TYK2: variants seen among roughly 807,000 people sequenced by gnomAD.
The protein encoded by TYK2 is non-receptor tyrosine-protein kinase TYK2.
Under a neutral mutation model 130.9 loss-of-function variants are expected in TYK2, and 65 were observed. That is an observed-to-expected ratio of 0.50 (90% CI 0.41 to 0.61). The LOEUF (loss-of-function observed/expected upper bound fraction) is 0.61, where lower values mean the gene tolerates loss of function less well. Ranked by LOEUF, TYK2 falls within the 20% of genes least tolerant of loss-of-function variation. The pLI, the probability that TYK2 is intolerant of heterozygous loss-of-function variation, is 0.00. For synonymous variants in TYK2, 647 were observed against 658.9 expected (o/e 0.98, Z 0.28); for missense variants, 1,378 against 1,610.7 (o/e 0.86, Z 2.47).
chr19:10,360,391 A>C (rs2041340237), intron 14 of TYK2, among the ~76,000 whole-genome samples: 1 of 151,448 alleles, frequency 6.6e-6, no homozygotes, highest in Non-Finnish European at 1.5e-5. Flanking sequence ...CAGGTGCTCA[A>C]GAGGCTGAGG....
chr19:10,354,635 C>T (rs2040992513), intron 18 of TYK2, 26 bp from the exon 19 acceptor site: 7 of 1,586,790 alleles, frequency 4.4e-6, no homozygotes, highest in Non-Finnish European at 6.1e-6. Context: ...TGGGTAAAGG[C>T]CTGACCCCGA....
chr19:10,361,453 T>C lies in TYK2; in HGVS notation c.2047+58A>G. 1 of 1,341,894 alleles carries C rather than the reference T, an allele frequency of 7.5e-7. No individual in the cohort carries two copies. 83.1% of individuals were successfully genotyped at this position (1,341,894 alleles called of 1,614,324 possible). A position where few individuals can be genotyped will look rare whatever the true frequency, so the allele number is the denominator to read the frequency against. ...GAGGGTTGGGGTACAGATCAGGGAGTGGGTATAAGTCAGGGGTGGCCTGCC... is the reference window on the plus strand; with the variant it reads ...GAGGGTTGGGGTACAGATCAGGGAGCGGGTATAAGTCAGGGGTGGCCTGCC... On this transcript the variant is annotated intron_variant, in intron 14 of 24. Coordinates refer to ENST00000525621, the MANE Select transcript of TYK2 (RefSeq NM_003331.5). The surrounding 1 kb of genome is among the most constrained non-coding windows in gnomAD (Gnocchi z 4.0).
intron 17 of TYK2, chr19:10,357,563 G>C (rs1468628872): frequency 1.3e-6 from 1 of 763,852 alleles, no homozygotes; most frequent in South Asian, 1.5e-5. Flanking sequence ...CCTTCTGTGT[G>C]CCAGGCACAA....
At chr19:10,374,115 A>C (rs989416410) in intron 3 of TYK2, among the ~76,000 whole-genome samples, 1 of 151,918 alleles carries the variant, frequency 6.6e-6, no homozygotes, top group African/African-American at 2.4e-5. Flanking sequence ...AAATACAAAA[A>C]ATTAGCCAGG....
Position 10,378,066 on chromosome 19 carries a change from G to GTGGGTGGA in TYK2, c.193+140_193+147dup, listed in dbSNP as rs2042234496. The GTGGGTGGA allele has an allele frequency of 2.1e-5, 16 of 770,000 alleles. No individual in the cohort carries two copies. In the East Asian group the frequency reaches 2.8e-4, roughly 13 times the overall value. 47.7% of individuals were successfully genotyped at this position (770,000 alleles called of 1,614,324 possible). A position where few individuals can be genotyped will look rare whatever the true frequency, so the allele number is the denominator to read the frequency against. ...GATGGGTGGTTGGGAGGGTGGATGG[G>GTGGGTGGA]TGGGTGGATGGGTGGATGGATGGAT... On this transcript the variant is annotated intron_variant, in intron 3 of 24. Transcript: ENST00000525621.
chr19:10,367,973 T>G (rs2041742764), intron 5 of TYK2, 82 bp downstream of exon 5: 4 of 1,521,230 alleles, frequency 2.6e-6, no homozygotes, highest in Non-Finnish European at 2.7e-6. Context: ...TTAGCTATAT[T>G]GAATCAGGGA....
intron 5 of TYK2, 47 bp from the exon 6 acceptor site, chr19:10,366,627 C>G: frequency 6.2e-7 from 1 of 1,610,710 alleles, no homozygotes; most frequent in Non-Finnish European, 8.5e-7. Context: ...GAATGCGTTC[C>G]TCTCTAGCCC....
chr19:10,370,889 G>T (rs1292504101), intron 3 of TYK2, among the ~76,000 whole-genome samples: 1 of 151,942 alleles, frequency 6.6e-6, no homozygotes, highest in South Asian at 2.1e-4. Context: ...TGTAATCCCA[G>T]CACTTTGGGA....
intron 3 of TYK2, among the ~76,000 whole-genome samples, chr19:10,370,359 A>T (rs1175740721): frequency 6.6e-6 from 1 of 151,602 alleles, no homozygotes; most frequent in Non-Finnish European, 1.5e-5. Context: ...ATCTGAAAAA[A>T]AAAAATTGGC....
At chr19:10,354,267 T>A (rs1199418626) in intron 19 of TYK2, 33 bp from the exon 20 acceptor site, 1 of 1,604,436 alleles carries the variant, frequency 6.2e-7, no homozygotes, top group South Asian at 1.1e-5. Flanking sequence ...CAGCTCCACC[T>A]CCCCAATCCC....
intron 3 of TYK2, 156 bp from the exon 4 acceptor site, chr19:10,368,574 C>A (rs576895979): frequency 1.9e-6 from 2 of 1,044,196 alleles, no homozygotes; most frequent in South Asian, 1.5e-5. Context: ...GAGGACAGTG[C>A]GTATGTTGCC....
intron 3 of TYK2, 37 bp downstream of exon 3, chr19:10,378,177 C>A: frequency 6.2e-7 from 1 of 1,607,830 alleles, no homozygotes; most frequent in South Asian, 1.1e-5. Context: ...CTTGCACACC[C>A]ACCCCAGTCC....
rs752092037 is a variant in TYK2 at position 10,365,900 on chromosome 19, TG to T, written c.630-3del. 7 of 1,604,992 alleles carry T rather than the reference TG, an allele frequency of 4.4e-6. No individual in the cohort carries two copies. The Admixed American group carries it at 1.0e-4, about 23-fold the overall frequency. On this transcript the variant is annotated splice_region_variant and splice_polypyrimidine_tract_variant and intron_variant, in intron 6 of 24. Transcript: ENST00000525621. The stretch of plus-strand genomic sequence containing the variant: ...GAGCGCGGGATGCAGTCCTTGAAGC[TG>T]GGGGGAAACACAGTGAGGGGCTGGT...
At position 10,351,273 on chromosome 19, in the gene TYK2, G is replaced by A. The variant is rs567907030; in HGVS notation, c.3319-111C>T. 2.9e-5 allele frequency: 24 copies of A among 814,688 alleles called. No individual in the cohort carries two copies. In the African/African-American group the frequency reaches 3.7e-4, roughly 13 times the overall value. 50.5% of individuals were successfully genotyped at this position (814,688 alleles called of 1,614,324 possible). On this transcript the variant is annotated intron_variant, in intron 23 of 24. Transcript: ENST00000525621. ...AGGCTGAGGTGGGTGGATCACCTGA[G>A]GTCAGGAGTTCGAGACCAGCCTGGC...
Position 10,365,124 on chromosome 19 carries a change from G to A in TYK2, c.1012-76C>T, listed in dbSNP as rs555652813. The A allele has an allele frequency of 8.9e-6, 13 of 1,457,884 alleles. No homozygotes were observed. The African/African-American group carries it at 1.5e-4, about 17-fold the overall frequency. The allele number at this position is 1,457,884 out of a possible 1,614,324, so 90.3% of individuals were successfully genotyped here. A position where few individuals can be genotyped will look rare whatever the true frequency, so the allele number is the denominator to read the frequency against. ...TACCTCCTGCACTTTCCCCTGGGGA[G>A]AGACTGGAGCCAGAAGGGCCAGGCA... is the stretch of plus-strand genomic sequence containing the variant. On this transcript the variant is annotated intron_variant, in intron 7 of 24. Coordinates refer to ENST00000525621, the MANE Select transcript of TYK2 (RefSeq NM_003331.5).
intron 9 of TYK2, among the ~76,000 whole-genome samples, chr19:10,362,970 C>T (rs1007253301): frequency 4.0e-5 from 6 of 150,966 alleles, no homozygotes; most frequent in South Asian, 4.2e-4. Flanking sequence ...TGGGTTCAAG[C>T]AATTCTCTTG....
intron 3 of TYK2, among the ~76,000 whole-genome samples, chr19:10,372,478 ATATATATTTT>A (rs1303933932): frequency 1.6e-5 from 1 of 64,386 alleles, no homozygotes; most frequent in African/African-American, 1.0e-4. Flanking sequence ...ATATATATAT[ATATATATTTT>A]TTTTTTTTTT....
chr19:10,352,610 C>A, intron 22 of TYK2, 59 bp from the exon 23 acceptor site: 2 of 891,970 alleles, frequency 2.2e-6, no homozygotes, highest in Admixed American at 2.3e-5. Flanking sequence ...GGGGATCAGA[C>A]CAGGCTGAAG....
At chr19:10,352,222 C>A (rs1323385840) in intron 23 of TYK2, among the ~76,000 whole-genome samples, 3 of 151,932 alleles carry the variant, frequency 2.0e-5, no homozygotes, top group Non-Finnish European at 4.4e-5. Flanking sequence ...CAGGCGCCCG[C>A]CACCACGCCT....
Sources: allele counts gnomAD v4.1 joint callset (sites outside exome capture counted in the v4.1 genomes callset), GRCh38; gene constraint gnomAD v4.1.1; non-coding constraint Gnocchi (gnomAD v3.1); transcripts MANE v1.5; gene names NCBI Gene and HGNC (gene_info 2026-07-23, HGNC 2026-07-21).